The following ACER3 variants were observed in gnomAD, a reference collection of about 807,000 sequenced individuals.
ACER3 encodes alkCDase 3.
A neutral mutation model predicts 48.9 loss-of-function variants in ACER3; 16 were observed. The ratio of observed to expected loss-of-function variants is 0.33; its 90% CI spans 0.22 to 0.50. The LOEUF is 0.50. ACER3 is among the 20% of genes least tolerant of loss of function. The probability of loss-of-function intolerance (pLI) is 0.98; values close to 1 mark genes in which losing one functional copy is unlikely to be tolerated. For missense variants in ACER3, 227 were observed against 326.0 expected (o/e 0.70, Z 2.34); for synonymous variants, 109 against 107.8 (o/e 1.01, Z -0.07).
chr11:76,903,862 G>C (rs7103500), intron 1 of ACER3, among the ~76,000 whole-genome samples: 114,858 of 152,108 alleles, frequency 0.76, 43,738 homozygotes, highest in African/African-American at 0.81. Flanking sequence ...CCAGGAGAGT[G>C]TGACATCTTT....
chr11:77,015,094 T>C lies in ACER3; in HGVS notation c.576T>C (p.Asp192=), dbSNP rs144794891. 5.8e-6 allele frequency: 9 copies of C among 1,559,902 alleles called. No homozygotes were observed. Among genetic ancestry groups the C allele is most frequent in the Middle Eastern group, 1.7e-4 (1 of 5,982 alleles). Residue 192 remains aspartate (D), a synonymous_variant, in exon 8 of 11, where the codon GAT becomes GAC. Coordinates refer to ENST00000532485, the MANE Select transcript of ACER3 (RefSeq NM_018367.7). ...FLLGFLFWNI[D]NIFCESLRNF... ...TGGGATTTTTATTTTGGAATATAGA[T>C]AACATATTTTGTGAGTCACTGAGGT...
At chr11:76,984,530 A>G (rs1156348980) in intron 4 of ACER3, among the ~76,000 whole-genome samples, 1 of 152,216 alleles carries the variant, frequency 6.6e-6, no homozygotes, top group African/African-American at 2.4e-5. Flanking sequence ...CTTGCTGCCT[A>G]TACCAAGTCA....
chr11:76,920,813 A>T (rs1052008170), intron 1 of ACER3, among the ~76,000 whole-genome samples: 5 of 151,840 alleles, frequency 3.3e-5, no homozygotes, highest in Admixed American at 1.3e-4. Context: ...ATTTTAAAAA[A>T]TTTTTTGTAG....
At chr11:76,917,914 A>G (rs188410407) in intron 1 of ACER3, among the ~76,000 whole-genome samples, 1 of 152,130 alleles carries the variant, frequency 6.6e-6, no homozygotes. Flanking sequence ...TCTTGTAGTA[A>G]TAAAAATCCC....
Position 76,861,060 on chromosome 11 carries a change from C to T in ACER3, c.84C>T (p.Thr28=), listed in dbSNP as rs1944925033. Residue 28 remains threonine (T), a synonymous_variant, in exon 1 of 11, where the codon ACC becomes ACT. Coordinates refer to ENST00000532485, the MANE Select transcript of ACER3 (RefSeq NM_018367.7). ...GGTGCGAGGAGAACTACTCCGTGAC[C>T]TGGTACATCGCCGAGTTCTGTGAGT... ...LDWCEENYSV[T]WYIAEFWNTV... 6.5e-7 allele frequency: 1 copy of T among 1,547,442 alleles called. No individual in the cohort carries two copies. Among genetic ancestry groups the T allele is most frequent in the East Asian group, 2.5e-5 (1 of 40,778 alleles).
intron 3 of ACER3, among the ~76,000 whole-genome samples, chr11:76,965,082 T>C (rs895466443): frequency 1.3e-5 from 2 of 150,740 alleles, no homozygotes; most frequent in Non-Finnish European, 2.9e-5. Flanking sequence ...GATGAATGGC[T>C]AACTAGAATA....
chr11:76,938,660 CTG>C (rs1366023939), intron 2 of ACER3, among the ~76,000 whole-genome samples: 1 of 152,100 alleles, frequency 6.6e-6, no homozygotes, highest in African/African-American at 2.4e-5. Context: ...AGGATTCTCA[CTG>C]TGGAAGAAGG....
At chr11:76,898,091 A>G (rs1278621895) in intron 1 of ACER3, among the ~76,000 whole-genome samples, 1 of 152,168 alleles carries the variant, frequency 6.6e-6, no homozygotes, top group Non-Finnish European at 1.5e-5. Flanking sequence ...TACAATTATT[A>G]TAGTATAGAC....
chr11:76,884,286 A>G (rs1945617233), intron 1 of ACER3, among the ~76,000 whole-genome samples: 1 of 152,170 alleles, frequency 6.6e-6, no homozygotes, highest in Admixed American at 6.5e-5. Context: ...TTCCTCCAGA[A>G]AGCTGAGTTT....
intron 2 of ACER3, chr11:76,957,417 T>A: frequency 2.2e-6 from 1 of 449,426 alleles, no homozygotes; most frequent in Non-Finnish European, 4.5e-6. Context: ...CATATATACA[T>A]GAAGTTTAAT....
intron 5 of ACER3, 96 bp downstream of exon 5, chr11:76,985,820 A>C: frequency 1.6e-6 from 1 of 642,692 alleles, no homozygotes; most frequent in Non-Finnish European, 2.5e-6. Flanking sequence ...CATGCTGTCA[A>C]ACTGAAATCT....
At chr11:76,922,040 A>C (rs1307514096) in intron 1 of ACER3, among the ~76,000 whole-genome samples, 1 of 152,182 alleles carries the variant, frequency 6.6e-6, no homozygotes, top group Admixed American at 6.5e-5. Context: ...TAGGAGGACC[A>C]CTATCTAGCT....
chr11:77,020,113 AG>A (rs1555024120), intron 10 of ACER3, among the ~76,000 whole-genome samples, 160 bp from the exon 11 acceptor site: 1 of 152,228 alleles, frequency 6.6e-6, no homozygotes, highest in African/African-American at 2.4e-5. Flanking sequence ...ATCTGGTCCA[AG>A]TCTAGAAGGA....
chr11:76,962,179 A>C (rs939786173), intron 3 of ACER3, among the ~76,000 whole-genome samples: 4 of 148,502 alleles, frequency 2.7e-5, no homozygotes, highest in Non-Finnish European at 5.9e-5. Flanking sequence ...CCTCCCGAGT[A>C]GCTGGGGTTA....
At chr11:77,016,318 T>G (rs1226723640) in intron 8 of ACER3, among the ~76,000 whole-genome samples, 1 of 152,076 alleles carries the variant, frequency 6.6e-6, no homozygotes, top group Admixed American at 6.6e-5. Flanking sequence ...TAAGGGAGTA[T>G]TATTATTATC....
At chr11:77,008,100 C>G (rs1555021405) in intron 7 of ACER3, among the ~76,000 whole-genome samples, 1 of 152,086 alleles carries the variant, frequency 6.6e-6, no homozygotes, top group Non-Finnish European at 1.5e-5. Flanking sequence ...AGACATGGAA[C>G]TCACCACTGT....
intron 2 of ACER3, among the ~76,000 whole-genome samples, chr11:76,942,473 T>G (rs1469061280): frequency 6.6e-6 from 1 of 152,116 alleles, no homozygotes; most frequent in Non-Finnish European, 1.5e-5. Context: ...TTTATTGATT[T>G]GCATATGTTG....
intron 1 of ACER3, among the ~76,000 whole-genome samples, chr11:76,907,593 G>A (rs772666830): frequency 5.3e-5 from 8 of 152,272 alleles, no homozygotes; most frequent in South Asian, 4.1e-4. Flanking sequence ...CAATAAAGCC[G>A]GGCACAGTGG....
intron 8 of ACER3, 117 bp downstream of exon 8, chr11:77,015,234 T>C (rs1227647163): frequency 3.1e-6 from 2 of 636,398 alleles, no homozygotes; most frequent in Non-Finnish European, 5.4e-6. Flanking sequence ...ATTGTTGACA[T>C]TTAAAAGATA....
Sources: allele counts gnomAD v4.1 joint callset (sites outside exome capture counted in the v4.1 genomes callset), GRCh38; gene constraint gnomAD v4.1.1; transcripts MANE v1.5; gene names NCBI Gene and HGNC (gene_info 2026-07-23, HGNC 2026-07-21).